The following NDUFAF7 variants were observed in gnomAD, a reference collection of about 807,000 sequenced individuals.
NDUFAF7 encodes the protein NADH:ubiquinone oxidoreductase complex assembly factor 7.
A neutral mutation model predicts 47.2 loss-of-function variants in NDUFAF7; 48 were observed. The ratio of observed to expected loss-of-function variants is 1.02; its 90% confidence interval spans 0.81 to 1.29. The LOEUF (loss-of-function observed/expected upper bound fraction) is 1.29, where lower values mean the gene tolerates loss of function less well. Among genes scored for constraint, NDUFAF7 ranks in the 50% most tolerant of loss-of-function variants. The pLI is 0.00. For synonymous variants in NDUFAF7, 217 were observed against 190.0 expected (o/e 1.14, Z -1.17); for missense variants, 635 against 537.6 (o/e 1.18, Z -1.79).
At chr2:37,238,552 A>G (rs1666030859) in intron 4 of NDUFAF7, among the ~76,000 whole-genome samples, 1 of 152,086 alleles carries the variant, frequency 6.6e-6, no homozygotes, top group South Asian at 2.1e-4. Flanking sequence ...AGAGTTCAAG[A>G]CCAACCTGGC....
chr2:37,264,165 TTATG>T, the NDUFAF7 span, among the ~76,000 whole-genome samples: 770 of 152,328 alleles, frequency 5.1e-3, 5 homozygotes, highest in African/African-American at 0.018. Flanking sequence ...GGTTGACAGT[TTATG>T]TAGGCATGGC....
the NDUFAF7 span, among the ~76,000 whole-genome samples, chr2:37,264,717 A>AC: frequency 2.0e-5 from 3 of 152,300 alleles, no homozygotes; most frequent in South Asian, 6.2e-4. Flanking sequence ...AGATATAGCA[A>AC]GAAAGTCAAC....
chr2:37,262,900 C>T, the NDUFAF7 span, among the ~76,000 whole-genome samples: 1 of 147,490 alleles, frequency 6.8e-6, no homozygotes, highest in African/African-American at 2.5e-5. Flanking sequence ...TTCCTTCCCC[C>T]CCCCGTATTT....
At chr2:37,253,164 G>C (rs1286370721), downstream of NDUFAF7, 2 of 1,585,574 alleles carry the variant, frequency 1.3e-6, no homozygotes, top group African/African-American at 1.4e-5. Context: ...CCTTATTTAG[G>C]TTAGCTCAGT....
downstream of NDUFAF7, among the ~76,000 whole-genome samples, chr2:37,253,925 T>C (rs1038758150): frequency 6.6e-6 from 1 of 152,188 alleles, no homozygotes; most frequent in African/African-American, 2.4e-5. Flanking sequence ...TAAAATAAAT[T>C]TGATAAATTA....
downstream of NDUFAF7, among the ~76,000 whole-genome samples, chr2:37,258,174 A>T (rs982270929): frequency 3.3e-5 from 5 of 152,218 alleles, no homozygotes; most frequent in Admixed American, 3.3e-4. Flanking sequence ...AAGCTGTAGA[A>T]AACAGTGGTA....
chr2:37,248,737 A>G lies in NDUFAF7; in HGVS notation c.*387A>G, dbSNP rs925473799. 61 of 281,576 alleles carry G rather than the reference A, an allele frequency of 2.2e-4. No homozygotes were observed. The highest frequency in any genetic ancestry group is 1.3e-3 in the African/African-American group (57 of 45,152). The allele number at this position is 281,576 out of a possible 1,614,324, so 17.4% of individuals were successfully genotyped here. ...AAAGACCAGCCTGACCAAAATGGAGAAACCCCATCTCTACTAAAAATACAA... is the reference window on the plus strand; with the variant it reads ...AAAGACCAGCCTGACCAAAATGGAGGAACCCCATCTCTACTAAAAATACAA... On this transcript the variant is annotated 3_prime_UTR_variant, in exon 10 of 10. Transcript: ENST00000002125.
downstream of NDUFAF7, chr2:37,254,114 G>T: frequency 2.2e-6 from 2 of 910,988 alleles, no homozygotes; most frequent in Non-Finnish European, 1.8e-6. Flanking sequence ...TTATTATTCT[G>T]CTGATCTTAG....
At chr2:37,261,400 T>A in the NDUFAF7 span, among the ~76,000 whole-genome samples, 4 of 151,630 alleles carry the variant, frequency 2.6e-5, no homozygotes, top group African/African-American at 9.7e-5. Flanking sequence ...GGCAGGAGAA[T>A]CACTTGAACC....
At chr2:37,257,585 G>C (rs567992157), downstream of NDUFAF7, among the ~76,000 whole-genome samples, 542 of 147,402 alleles carry the variant, frequency 3.7e-3, 4 homozygotes, top group African/African-American at 0.013. Context: ...AGAATGGCGT[G>C]AACCCAGGAG....
At chr2:37,260,390 G>A in the NDUFAF7 span, 2 of 1,607,752 alleles carry the variant, frequency 1.2e-6, no homozygotes, top group Non-Finnish European at 1.7e-6. Flanking sequence ...AAATTCTGAA[G>A]AGAGGTTGCA....
intron 2 of NDUFAF7, among the ~76,000 whole-genome samples, chr2:37,232,552 A>T (rs1665277483): frequency 6.6e-6 from 1 of 152,158 alleles, no homozygotes; most frequent in Non-Finnish European, 1.5e-5. Flanking sequence ...TACTTGGCTG[A>T]TGGTGGGTGG....
chr2:37,253,981 C>G (rs1667731604), downstream of NDUFAF7, among the ~76,000 whole-genome samples: 1 of 152,140 alleles, frequency 6.6e-6, no homozygotes, highest in Admixed American at 6.6e-5. Context: ...ACACATAGGT[C>G]TATGAAAGGC....
chr2:37,233,557 G>A (rs7589296), intron 2 of NDUFAF7, among the ~76,000 whole-genome samples: 51,363 of 150,940 alleles, frequency 0.34, 9,372 homozygotes, highest in East Asian at 0.44. Flanking sequence ...GGGACGCAGA[G>A]GTTGCAGTGA....
At chr2:37,233,952 G>C (rs1352915877) in intron 2 of NDUFAF7, among the ~76,000 whole-genome samples, 1 of 152,194 alleles carries the variant, frequency 6.6e-6, no homozygotes, top group Non-Finnish European at 1.5e-5. Flanking sequence ...AGCAATACCT[G>C]TGACTTTGTC....
At chr2:37,270,618 C>A in the NDUFAF7 span, among the ~76,000 whole-genome samples, 3 of 152,160 alleles carry the variant, frequency 2.0e-5, no homozygotes, top group Non-Finnish European at 4.4e-5. Flanking sequence ...CAAAGTGGAA[C>A]TTCACTTAGC....
At chr2:37,246,822 G>A (rs911158612) in intron 8 of NDUFAF7, among the ~76,000 whole-genome samples, 4 of 152,052 alleles carry the variant, frequency 2.6e-5, no homozygotes, top group Non-Finnish European at 5.9e-5. Flanking sequence ...CTTACCTCCA[G>A]GATTCTGACT....
chr2:37,242,000 C>T (rs1666399998), intron 5 of NDUFAF7: 4 of 587,870 alleles, frequency 6.8e-6, no homozygotes, highest in South Asian at 6.4e-5. Flanking sequence ...TTTCATGAAG[C>T]TTTGTAAAAT....
chr2:37,244,110 C>G, intron 7 of NDUFAF7, 137 bp downstream of exon 7: 1 of 744,234 alleles, frequency 1.3e-6, no homozygotes, highest in Non-Finnish European at 2.3e-6. Flanking sequence ...TTTTTATTGA[C>G]AGTGAAAGTG....
Sources: allele counts gnomAD v4.1 joint callset (sites outside exome capture counted in the v4.1 genomes callset), GRCh38; gene constraint gnomAD v4.1.1; transcripts MANE v1.5; gene names NCBI Gene and HGNC (gene_info 2026-07-23, HGNC 2026-07-21).